Variants in CHPT1 observed in about 807,000 individuals in gnomAD.
CHPT1 encodes the protein cholinephosphotransferase 1.
CHPT1 carries 36 observed loss-of-function variants against 47.6 expected under a neutral mutation model. The observed-to-expected ratio is 0.76, with a 90% CI of 0.58 to 1.00. The LOEUF (loss-of-function observed/expected upper bound fraction) is 1.00. CHPT1 is among the 50% of genes least tolerant of loss of function. The pLI is 0.00. For missense variants in CHPT1, 458 were observed against 498.1 expected (o/e 0.92, Z 0.77); for synonymous variants, 194 against 186.3 (o/e 1.04, Z -0.33).
intron 5 of CHPT1, among the ~76,000 whole-genome samples, chr12:101,721,879 T>C (rs866752987): frequency 6.6e-6 from 1 of 152,058 alleles, no homozygotes; most frequent in Non-Finnish European, 1.5e-5. Context: ...GCCAACACAA[T>C]GAAACCCTGT....
chr12:101,718,623 G>A (rs532593243), intron 4 of CHPT1, among the ~76,000 whole-genome samples: 1 of 146,582 alleles, frequency 6.8e-6, no homozygotes, highest in African/African-American at 2.5e-5. Context: ...TCATGCCACT[G>A]ACTACACTCC....
Position 101,697,916 on chromosome 12 carries a change from G to T in CHPT1, c.55G>T (p.Glu19Ter), listed in dbSNP as rs777698148. 11 of 1,423,204 alleles carry T rather than the reference G, an allele frequency of 7.7e-6. No homozygotes were observed. The highest frequency in any genetic ancestry group is 4.4e-5 in the African/African-American group (3 of 67,634). The allele number at this position is 1,423,204 out of a possible 1,614,324, so 88.2% of individuals were successfully genotyped here. The change falls in exon 1 of 9, where the codon GAG becomes TAG. Residue 19 changes from glutamate to a stop codon, truncating the protein, a stop_gained. Coordinates refer to ENST00000229266, the MANE Select transcript of CHPT1 (RefSeq NM_020244.3). LOFTEE classifies it high-confidence loss of function. ...SAPRWLRALSEPLSAAQLRRL... is the reference protein window; with the variant it reads ...SAPRWLRALS ...GCCGCGCTGGCTGAGGGCGCTGAGC[G>T]AGCCGCTGAGCGCGGCGCAGCTGCG...
intron 1 of CHPT1, among the ~76,000 whole-genome samples, chr12:101,703,023 ATACTT>A (rs1181689184): frequency 1.3e-5 from 2 of 152,216 alleles, no homozygotes; most frequent in Non-Finnish European, 2.9e-5. Context: ...TGGCTTCACT[ATACTT>A]AATTCCTAAC....
chr12:101,720,071 T>TA, intron 4 of CHPT1, 52 bp from the exon 5 acceptor site: 1 of 1,416,992 alleles, frequency 7.1e-7, no homozygotes, highest in East Asian at 2.3e-5. Context: ...TATTATTTAA[T>TA]AAAAAACCAA....
chr12:101,728,227 G>A (rs1055132798), intron 8 of CHPT1: 1 of 152,208 alleles, frequency 6.6e-6, no homozygotes, highest in South Asian at 2.1e-4. Context: ...TCCAGCTGGG[G>A]TGACAGAGTG....
chr12:101,708,342 T>G (rs1870615090), intron 1 of CHPT1, among the ~76,000 whole-genome samples: 1 of 152,200 alleles, frequency 6.6e-6, no homozygotes, highest in African/African-American at 2.4e-5. Context: ...AGTGGGTTTT[T>G]TTTTAATGAC....
In CHPT1 at chr12:101,702,827, G is replaced by T. The variant is rs150084448; in HGVS notation, c.273+4693G>T. Among the ~76,000 whole-genome samples, 670 of 152,242 alleles carry T rather than the reference G, an allele frequency of 4.4e-3. 2 individuals carry two copies. The highest frequency in any genetic ancestry group is 7.2e-3 in the Non-Finnish European group (492 of 68,018). ...GTGAACTCCAGATTTCCAGGAGATA[G>T]AAGCAGGGAGGGACTTAGGGTGAGG... On this transcript the variant is annotated intron_variant, in intron 1 of 8. Transcript: ENST00000229266.
Position 101,723,175 on chromosome 12 carries a change from G to C in CHPT1, c.788G>C (p.Ser263Thr), listed in dbSNP as rs1951884095. The C allele has an allele frequency of 6.2e-7, 1 of 1,612,050 alleles. No individual in the cohort carries two copies. The change falls in exon 6 of 9, where the codon AGT becomes ACT. Residue 263 changes from serine to threonine, a missense_variant. Transcript: ENST00000229266. ...GKNGSTIAGT[S>T]VLSPGLHIGL... Reference sequence around the variant, plus strand: ...TTCTGCTTTATCCCTTAGGGCACCAGTGTCTTGTCACCTGGACTCCACATA... The same window carrying C: ...TTCTGCTTTATCCCTTAGGGCACCACTGTCTTGTCACCTGGACTCCACATA...
chr12:101,699,573 A>C (rs1262815422), intron 1 of CHPT1, among the ~76,000 whole-genome samples: 2 of 151,936 alleles, frequency 1.3e-5, no homozygotes, highest in Non-Finnish European at 2.9e-5. Context: ...TTTTTAGTAG[A>C]GACGGGGTTT....
intron 1 of CHPT1, among the ~76,000 whole-genome samples, chr12:101,700,802 A>G (rs1951544587): frequency 6.6e-6 from 1 of 152,196 alleles, no homozygotes; most frequent in South Asian, 2.1e-4. Context: ...TCTATCCTGA[A>G]GTAACAGTAG....
Position 101,714,618 on chromosome 12 carries a change from A to T in CHPT1, c.536A>T (p.Tyr179Phe). 1 of 1,608,022 alleles carries T rather than the reference A, an allele frequency of 6.2e-7. No individual in the cohort carries two copies. The highest frequency in any genetic ancestry group is 1.7e-4 in the Middle Eastern group (1 of 6,048). Reference protein sequence around the residue: ...FVFYCAHWQTYVSGMLRFGKV... With the variant: ...FVFYCAHWQTFVSGMLRFGKV... ...TTTTATTGCGCTCATTGGCAGACTT[A>T]TGTTTCAGGCATGTTGAGATTTGGA... is the stretch of plus-strand genomic sequence containing the variant. The change falls in exon 3 of 9, where the codon TAT becomes TTT. Residue 179 changes from tyrosine to phenylalanine, a missense_variant. Transcript: ENST00000229266.
At chr12:101,720,521 C>A (rs980146238) in intron 5 of CHPT1, among the ~76,000 whole-genome samples, 1 of 152,112 alleles carries the variant, frequency 6.6e-6, no homozygotes, top group East Asian at 1.9e-4. Flanking sequence ...TGTTTTCCTG[C>A]ATTTTGTGCC....
chr12:101,719,945 A>AT (rs1168034441), intron 4 of CHPT1, 178 bp from the exon 5 acceptor site: 33 of 347,210 alleles, frequency 9.5e-5, no homozygotes, highest in African/African-American at 2.6e-4. Context: ...TAAAAACTAA[A>AT]AAAAAAAGTT....
In CHPT1 at chr12:101,716,720, C is replaced by T; in HGVS notation, c.564-8C>T. Reference sequence around the variant, plus strand: ...ACACCTTATCTATTCTTTGTCCTTCCTCTTTAGAGTGGATGTAACTGAAAT... The same window carrying T: ...ACACCTTATCTATTCTTTGTCCTTCTTCTTTAGAGTGGATGTAACTGAAAT... On this transcript the variant is annotated splice_polypyrimidine_tract_variant and splice_region_variant and intron_variant, in intron 3 of 8. Transcript: ENST00000229266. The T allele has an allele frequency of 1.3e-6, 2 of 1,576,572 alleles. No homozygotes were observed. Among genetic ancestry groups the T allele is most frequent in the Non-Finnish European group, 8.6e-7 (1 of 1,159,510 alleles).
chr12:101,710,793 C>T (rs1951693861), intron 1 of CHPT1, among the ~76,000 whole-genome samples: 1 of 148,644 alleles, frequency 6.7e-6, no homozygotes, highest in Admixed American at 6.8e-5. Context: ...TAGAGTTCTC[C>T]TTGAGAAGAT....
intron 1 of CHPT1, among the ~76,000 whole-genome samples, chr12:101,706,564 T>C (rs1008458127): frequency 3.0e-4 from 45 of 152,170 alleles, no homozygotes; most frequent in African/African-American, 1.1e-3. Flanking sequence ...AAGTGAAATT[T>C]GTCCAGTGAG....
rs187835492 is a variant in CHPT1 at position 101,702,371 on chromosome 12, G to T, written c.273+4237G>T. 3.9e-5 allele frequency among the ~76,000 whole-genome samples: 6 copies of T among 152,262 alleles called. No individual in the cohort carries two copies. The East Asian group carries it at 1.2e-3, about 29-fold the overall frequency. Reference sequence around the variant, plus strand: ...GGACAAGTGCCTAGCTTAAGGTCAGGTCAAAGGGCATTAATTAATGCATTT... The same window carrying T: ...GGACAAGTGCCTAGCTTAAGGTCAGTTCAAAGGGCATTAATTAATGCATTT... On this transcript the variant is annotated intron_variant, in intron 1 of 8. Coordinates refer to ENST00000229266, the MANE Select transcript of CHPT1 (RefSeq NM_020244.3).
chr12:101,713,642 A>G (rs1951724732), intron 1 of CHPT1, among the ~76,000 whole-genome samples: 4 of 152,026 alleles, frequency 2.6e-5, no homozygotes, highest in Admixed American at 2.6e-4. Flanking sequence ...TGTTTTTTTA[A>G]AAATATATTT....
intron 4 of CHPT1, among the ~76,000 whole-genome samples, chr12:101,718,484 T>G (rs930918023): frequency 1.3e-5 from 2 of 151,902 alleles, no homozygotes; most frequent in African/African-American, 4.8e-5. Context: ...TAGCAAGACC[T>G]TGCCTCTACA....
Sources: gnomAD v4.1 joint callset for allele counts (sites outside exome capture counted in the v4.1 genomes callset) on GRCh38, gnomAD v4.1.1 for gene constraint, MANE v1.5 for transcripts, NCBI Gene and HGNC (gene_info 2026-07-23, HGNC 2026-07-21) for gene names.